The following DROSHA variants were observed in gnomAD, a reference collection of about 807,000 sequenced individuals.
DROSHA encodes drosha ribonuclease III, also known as ribonuclease 3.
In DROSHA, 56 loss-of-function variants were observed where a neutral mutation model predicts 181.9. The observed-to-expected ratio is 0.31, with a 90% CI of 0.25 to 0.38. The LOEUF (loss-of-function observed/expected upper bound fraction) is 0.38. DROSHA is among the 10% of genes least tolerant of loss of function. The probability of loss-of-function intolerance (pLI) is 1.00; values close to 1 mark genes in which losing one functional copy is unlikely to be tolerated. For missense variants in DROSHA, 1,218 were observed against 1,743.5 expected, an observed-to-expected ratio of 0.70 and a Z score of 5.37; for synonymous variants, 524 against 591.2, an observed-to-expected ratio of 0.89 and a Z score of 1.65.
intron 16 of DROSHA, among the ~76,000 whole-genome samples, chr5:31,473,055 C>T (rs765970397): frequency 4.6e-5 from 7 of 152,220 alleles, no homozygotes; most frequent in Admixed American, 2.0e-4. Flanking sequence ...TCTTTGCCTA[C>T]ACCCAACCAA....
chr5:31,483,845 T>C (rs1036354428), intron 15 of DROSHA, among the ~76,000 whole-genome samples: 1 of 152,122 alleles, frequency 6.6e-6, no homozygotes, highest in African/African-American at 2.4e-5. Context: ...ATGAGGAGAC[T>C]ACAGGAAGGC....
At chr5:31,505,824 T>G (rs1388037523) in intron 10 of DROSHA, 3 of 152,128 alleles carry the variant, frequency 2.0e-5, no homozygotes, top group Non-Finnish European at 2.9e-5. Flanking sequence ...TACACACACA[T>G]ATTTCTTTAA....
chr5:31,477,812 G>A (rs1306552868), intron 16 of DROSHA, among the ~76,000 whole-genome samples: 1 of 152,144 alleles, frequency 6.6e-6, no homozygotes, highest in African/African-American at 2.4e-5. Context: ...TGCGACCAAA[G>A]GTAGAGAGTG....
chr5:31,486,437 TG>T, intron 14 of DROSHA, 53 bp downstream of exon 14: 1 of 1,575,960 alleles, frequency 6.3e-7, no homozygotes, highest in South Asian at 1.1e-5. Context: ...AATAGTAGTA[TG>T]GAACAAGCAA....
chr5:31,495,780 G>A (rs572407306), intron 11 of DROSHA, among the ~76,000 whole-genome samples: 8 of 152,316 alleles, frequency 5.3e-5, no homozygotes, highest in East Asian at 3.9e-4. Context: ...AGCAGGCCAC[G>A]TCAGTTGTAA....
chr5:31,515,277 A>G, intron 7 of DROSHA, 58 bp from the exon 8 acceptor site: 2 of 1,528,626 alleles, frequency 1.3e-6, no homozygotes, highest in Non-Finnish European at 1.8e-6. Context: ...TGTAAAAACT[A>G]TTCTATTTCA....
At chr5:31,424,197 G>C (rs1327301010) in intron 28 of DROSHA, among the ~76,000 whole-genome samples, 1 of 152,120 alleles carries the variant, frequency 6.6e-6, no homozygotes, top group Non-Finnish European at 1.5e-5. Flanking sequence ...CTCACTGAGG[G>C]AAGATGACTC....
intron 11 of DROSHA, among the ~76,000 whole-genome samples, chr5:31,497,276 G>T (rs1263311716): frequency 6.6e-6 from 1 of 152,124 alleles, no homozygotes; most frequent in Non-Finnish European, 1.5e-5. Flanking sequence ...TTCCCCCACT[G>T]GCAGACAACA....
intron 16 of DROSHA, among the ~76,000 whole-genome samples, chr5:31,475,828 G>C (rs576294154): frequency 2.6e-5 from 4 of 152,210 alleles, no homozygotes; most frequent in Admixed American, 1.3e-4. Flanking sequence ...CACAGGTCCA[G>C]GTATATAAAA....
chr5:31,444,760 T>C (rs1440013442), intron 23 of DROSHA, among the ~76,000 whole-genome samples: 1 of 152,228 alleles, frequency 6.6e-6, no homozygotes, highest in Non-Finnish European at 1.5e-5. Flanking sequence ...GATTAAGGGC[T>C]GTTTTAATTC....
rs375895315 is a variant in DROSHA, at chr5:31,467,767, A to G, written c.2366+172T>C. On this transcript the variant is annotated intron_variant, in intron 18 of 35. Coordinates refer to ENST00000344624, the MANE Select transcript of DROSHA (RefSeq NM_001382508.1). ...TGCACTCAAATATGTACAGAAAATA[A>G]TTCTTCAGGAGCTACCACAATTGTT... 1.2e-5 allele frequency: 10 copies of G among 848,770 alleles called. 1 individual carries two copies. The African/African-American group carries it at 1.7e-4, about 14-fold the overall frequency. The allele number at this position is 848,770 out of a possible 1,614,324, so 52.6% of individuals were successfully genotyped here.
intron 35 of DROSHA, among the ~76,000 whole-genome samples, chr5:31,403,934 CTT>C (rs1341371310): frequency 1.3e-5 from 2 of 151,966 alleles, no homozygotes; most frequent in African/African-American, 4.8e-5. Context: ...ATGGTATAAA[CTT>C]TTTTTGGCGG....
chr5:31,463,552 C>T (rs1168596261), intron 20 of DROSHA, among the ~76,000 whole-genome samples: 1 of 152,178 alleles, frequency 6.6e-6, no homozygotes, highest in Admixed American at 6.5e-5. Context: ...ATTTCCTTTA[C>T]TGTAATTCTC....
Position 31,470,451 on chromosome 5 carries a change from G to C in DROSHA, c.2241+1612C>G, listed in dbSNP as rs550989730. 6.6e-6 allele frequency among the ~76,000 whole-genome samples: 1 copy of C among 151,136 alleles called. No individual in the cohort carries two copies. The highest frequency in any genetic ancestry group is 1.5e-5 in the Non-Finnish European group (1 of 67,950). ...ATTAGTTTGGTGCAAAAATAGTTGC[G>C]GTATGGCAGACCCCCGCAACTACTT... On this transcript the variant is annotated intron_variant, in intron 17 of 35. Transcript: ENST00000344624. The surrounding 1 kb of genome is among the most constrained non-coding windows in gnomAD (Gnocchi z 4.0).
At chr5:31,444,829 T>C (rs565313872) in intron 23 of DROSHA, among the ~76,000 whole-genome samples, 10 of 152,356 alleles carry the variant, frequency 6.6e-5, no homozygotes, top group African/African-American at 1.7e-4. Flanking sequence ...GGGCATATGA[T>C]CATTTTCAAA....
chr5:31,497,168 A>G (rs896113124), intron 11 of DROSHA, among the ~76,000 whole-genome samples: 5 of 152,186 alleles, frequency 3.3e-5, no homozygotes, highest in African/African-American at 1.2e-4. Flanking sequence ...CTGAGGGTAG[A>G]GCACATCCCT....
intron 9 of DROSHA, among the ~76,000 whole-genome samples, chr5:31,509,875 C>T (rs971958099): frequency 2.4e-4 from 37 of 151,874 alleles, no homozygotes; most frequent in African/African-American, 8.4e-4. Flanking sequence ...AATAAGGGAA[C>T]GGGGGAACTG....
At chr5:31,506,573 G>A (rs1737985518) in intron 10 of DROSHA, among the ~76,000 whole-genome samples, 1 of 151,822 alleles carries the variant, frequency 6.6e-6, no homozygotes, top group African/African-American at 2.4e-5. Context: ...AGCCACTGGG[G>A]AGGCTAAGGC....
chr5:31,515,296 G>T, intron 7 of DROSHA, 77 bp from the exon 8 acceptor site: 1 of 1,484,538 alleles, frequency 6.7e-7, no homozygotes, highest in Non-Finnish European at 9.1e-7. Context: ...CACCTATTTG[G>T]TGCATTTTTC....
Sources: gnomAD v4.1 joint callset for allele counts (sites outside exome capture counted in the v4.1 genomes callset) on GRCh38, gnomAD v4.1.1 for gene constraint, Gnocchi (gnomAD v3.1) non-coding constraint, MANE v1.5 for transcripts, NCBI Gene and HGNC (gene_info 2026-07-23, HGNC 2026-07-21) for gene names.